Variants in OPN3 observed in about 807,000 individuals in gnomAD.
OPN3 encodes the protein opsin 3, also known as opsin-3.
A neutral mutation model predicts 33.8 loss-of-function variants in OPN3; 29 were observed. That is an observed-to-expected ratio of 0.86 (90% CI 0.64 to 1.17). The LOEUF is 1.17. Ranked by LOEUF, OPN3 falls within the 50% of genes most tolerant of loss-of-function variation. OPN3 has a pLI of 0.00. For synonymous variants in OPN3, 216 were observed against 216.1 expected (o/e 1.00, Z 0.00); for missense variants, 437 against 514.1 (o/e 0.85, Z 1.45).
chr1:241,593,675 A>G lies in OPN3; in HGVS notation c.*753T>C, dbSNP rs1440350318. On this transcript the variant is annotated 3_prime_UTR_variant, in exon 4 of 4. Coordinates refer to ENST00000366554, the MANE Select transcript of OPN3 (RefSeq NM_014322.3). ...TATATGTGGGAAATACAGGGGAATG[A>G]GCAAATCTCAAAGAGCTGGCGTCTT... 5.9e-6 allele frequency: 1 copy of G among 168,196 alleles called. No homozygotes were observed. Among genetic ancestry groups the G allele is most frequent in the South Asian group, 1.4e-4 (1 of 7,110 alleles). The allele number at this position is 168,196 out of a possible 1,614,324, so 10.4% of individuals were successfully genotyped here.
chr1:241,630,854 A>C (rs907004200), intron 1 of OPN3: 9 of 152,126 alleles, frequency 5.9e-5, no homozygotes, highest in Admixed American at 5.9e-4. Flanking sequence ...TTTGATGCTG[A>C]TTTAATGGCT....
At chr1:241,609,501 A>G (rs1296907969) in intron 1 of OPN3, among the ~76,000 whole-genome samples, 1 of 152,248 alleles carries the variant, frequency 6.6e-6, no homozygotes, top group African/African-American at 2.4e-5. Flanking sequence ...TGGATCAGGT[A>G]TGTGCCTATC....
intron 1 of OPN3, chr1:241,634,073 C>G: frequency 6.2e-7 from 1 of 1,612,074 alleles, no homozygotes; most frequent in Non-Finnish European, 8.5e-7. Context: ...ATTATACGAG[C>G]TTCTGCTGAT....
chr1:241,605,218 C>A (rs1400270467), intron 1 of OPN3, among the ~76,000 whole-genome samples: 1 of 152,068 alleles, frequency 6.6e-6, no homozygotes, highest in Non-Finnish European at 1.5e-5. Context: ...GGGAGAGTCA[C>A]TAGAGCAAGT....
chr1:241,615,720 C>A, intron 1 of OPN3: 1 of 402,646 alleles, frequency 2.5e-6, no homozygotes. Context: ...TGTGCCATCC[C>A]AGATCTCCGT....
chr1:241,631,911 G>A (rs1558446410), intron 1 of OPN3: 3 of 152,106 alleles, frequency 2.0e-5, no homozygotes, highest in African/African-American at 7.2e-5. Context: ...AAGATCAAAG[G>A]TTTTAGAATC....
At position 241,604,380 on chromosome 1, in the gene OPN3, G is replaced by T; in HGVS notation, c.573C>A (p.Asp191Glu). 6.2e-7 allele frequency: 1 copy of T among 1,614,174 alleles called. No homozygotes were observed. Among genetic ancestry groups the T allele is most frequent in the Non-Finnish European group, 8.5e-7 (1 of 1,180,040 alleles). ...AATCGTTGGCATCCTTGGATTTCCA[G>T]TCCACAGTGCAGCCTAGTCCGTGTA... ...LDVHGLGCTV[D>E]WKSKDANDSS... Residue 191 changes from aspartate to glutamate, a missense_variant, in exon 2 of 4, where the codon GAC becomes GAA. Coordinates refer to ENST00000366554, the MANE Select transcript of OPN3 (RefSeq NM_014322.3).
intron 1 of OPN3, among the ~76,000 whole-genome samples, chr1:241,607,340 A>T (rs1281322376): frequency 1.3e-5 from 2 of 151,784 alleles, no homozygotes; most frequent in Non-Finnish European, 2.9e-5. Flanking sequence ...CGTGGTGAAA[A>T]CCTGTCTCTA....
At chr1:241,639,623 G>T (rs1665033633) in intron 1 of OPN3, among the ~76,000 whole-genome samples, 1 of 151,788 alleles carries the variant, frequency 6.6e-6, no homozygotes, top group African/African-American at 2.4e-5. Context: ...AACGTGGGGG[G>T]CAGATGAGAG....
intron 1 of OPN3, chr1:241,635,132 G>C: frequency 6.2e-7 from 1 of 1,612,640 alleles, no homozygotes; most frequent in African/African-American, 1.3e-5. Context: ...ATTTCTAATT[G>C]GTTCATCGGC....
chr1:241,598,644 G>A lies in OPN3; in HGVS notation c.694-647C>T, dbSNP rs141313713. Among the ~76,000 whole-genome samples, 339 of 152,226 alleles carry A rather than the reference G, an allele frequency of 2.2e-3. 2 individuals carry two copies. Among genetic ancestry groups the A allele is most frequent in the African/African-American group, 7.9e-3 (327 of 41,546 alleles). ...TCCTCTAAAACCAGCCTGTCTACTC[G>A]CAGTCTGTTCCCATTAAAGGGATGG... is the stretch of plus-strand genomic sequence containing the variant. On this transcript the variant is annotated intron_variant, in intron 2 of 3. Transcript: ENST00000366554.
At chr1:241,600,289 C>T (rs1186840497) in intron 2 of OPN3, 2 of 151,872 alleles carry the variant, frequency 1.3e-5, no homozygotes, top group African/African-American at 4.9e-5. Context: ...TTTTATTTAT[C>T]TTTTTCAGGC....
intron 3 of OPN3, chr1:241,595,279 G>C (rs1300944334): frequency 1.3e-5 from 2 of 152,128 alleles, no homozygotes; most frequent in Non-Finnish European, 2.9e-5. Context: ...ATATTTCTTG[G>C]CCTCCTTTCC....
intron 2 of OPN3, among the ~76,000 whole-genome samples, chr1:241,602,824 G>A (rs368164609): frequency 2.6e-5 from 4 of 152,110 alleles, no homozygotes; most frequent in East Asian, 3.9e-4. Context: ...GAGATTCCAC[G>A]TAGGAATCTG....
Position 241,627,310 on chromosome 1 carries a change from T to C in OPN3, c.373+12572A>G, listed in dbSNP as rs569811586. 2.0e-5 allele frequency among the ~76,000 whole-genome samples: 3 copies of C among 152,296 alleles called. No homozygotes were observed. The East Asian group carries it at 5.8e-4, about 29-fold the overall frequency. On this transcript the variant is annotated intron_variant, in intron 1 of 3. Coordinates refer to ENST00000366554, the MANE Select transcript of OPN3 (RefSeq NM_014322.3). The stretch of plus-strand genomic sequence containing the variant: ...ATCTAAAGTTCCAGAAGCCACCACT[T>C]TTTAAATAGTGCTTTATGTGTTACA...
chr1:241,607,636 G>GAAAGAAA (rs1386471242), intron 1 of OPN3, among the ~76,000 whole-genome samples: 7 of 137,890 alleles, frequency 5.1e-5, no homozygotes, highest in African/African-American at 1.7e-4. Flanking sequence ...AAAAGAAAAA[G>GAAAGAAA]GAAGAAAGAA....
intron 1 of OPN3, chr1:241,631,281 G>A (rs948702426): frequency 1.3e-5 from 2 of 150,672 alleles, no homozygotes; most frequent in Non-Finnish European, 3.0e-5. Flanking sequence ...CATTATATTC[G>A]GCTATACCAT....
intron 1 of OPN3, chr1:241,629,096 T>C (rs1664514765): frequency 6.5e-6 from 1 of 152,744 alleles, no homozygotes; most frequent in South Asian, 2.1e-4. Flanking sequence ...CTATATAACA[T>C]TCTGTGATAG....
At chr1:241,603,674 A>G (rs1220735083) in intron 2 of OPN3, among the ~76,000 whole-genome samples, 4 of 152,230 alleles carry the variant, frequency 2.6e-5, no homozygotes, top group Non-Finnish European at 5.9e-5. Context: ...TGAGCAAGAG[A>G]CTAGAGACAG....
Sources: gnomAD v4.1 joint callset for allele counts (sites outside exome capture counted in the v4.1 genomes callset) on GRCh38, gnomAD v4.1.1 for gene constraint, MANE v1.5 for transcripts, NCBI Gene and HGNC (gene_info 2026-07-23, HGNC 2026-07-21) for gene names.